LAMTOR5: variants seen among roughly 807,000 people sequenced by gnomAD.
LAMTOR5 encodes late endosomal/lysosomal adaptor, MAPK and MTOR activator 5.
LAMTOR5 carries 8 observed loss-of-function variants against 12.1 expected under a neutral mutation model. That is an observed-to-expected ratio of 0.66 (90% confidence interval 0.39 to 1.19). The LOEUF (loss-of-function observed/expected upper bound fraction) is 1.19, where lower values mean the gene tolerates loss of function less well. LAMTOR5 is among the 50% of genes most tolerant of loss of function. LAMTOR5 has a pLI of 0.01. For synonymous variants in LAMTOR5, 37 were observed against 41.9 expected (o/e 0.88, Z 0.45); for missense variants, 110 against 112.8 (o/e 0.97, Z 0.11).
In LAMTOR5 at chr1:110,401,529, G is replaced by A. The variant is rs1161889995; in HGVS notation, c.270C>T (p.Ala90=). ...DGITVAVHKM[A]S ...TGAAGAACAGATATGAGCATCAAGA[G>A]GCCATTTTGTGCACTGCCACCGTGA... Residue 90 remains alanine, a synonymous_variant, in exon 4 of 4, where the codon GCC becomes GCT. Transcript: ENST00000602318. 6.2e-7 allele frequency: 1 copy of A among 1,606,478 alleles called. No homozygotes were observed. Among genetic ancestry groups the A allele is most frequent in the Non-Finnish European group, 8.5e-7 (1 of 1,173,822 alleles).
rs1663225648 is a variant in LAMTOR5 at position 110,401,386 on chromosome 1, C to T, written c.*137G>A. The T allele has an allele frequency of 1.2e-6, 1 of 803,560 alleles. No homozygotes were observed. The highest frequency in any genetic ancestry group is 1.9e-6 in the Non-Finnish European group (1 of 523,446). The allele number at this position is 803,560 out of a possible 1,614,324, so 49.8% of individuals were successfully genotyped here. A position where few individuals can be genotyped will look rare whatever the true frequency, so the allele number is the denominator to read the frequency against. On this transcript the variant is annotated 3_prime_UTR_variant, in exon 4 of 4. Transcript: ENST00000602318. ...CCATAGAGCATTAGAAAGCAATTGA[C>T]TCTTAAATAAACAGAAAAGTGCCTA...
Position 110,401,575 on chromosome 1 carries a change from ATAATGTTC to A in LAMTOR5, c.216_223del (p.Asn73AspfsTer36). On this transcript the variant is annotated frameshift_variant and splice_region_variant, in exon 4 of 4. Coordinates refer to ENST00000602318, the MANE Select transcript of LAMTOR5 (RefSeq NM_001382293.1). LOFTEE classifies it high-confidence loss of function. ...CGTGATGCCATCGTGTTTCTGGATCATAATGTTCCTGAAATGCAGGAAGAAAATATTCA... is the reference window on the plus strand; with the variant it reads ...CGTGATGCCATCGTGTTTCTGGATCACTGAAATGCAGGAAGAAAATATTCA... 1 of 1,604,672 alleles carries A rather than the reference ATAATGTTC, an allele frequency of 6.2e-7. No individual in the cohort carries two copies. Among genetic ancestry groups the A allele is most frequent in the Non-Finnish European group, 8.5e-7 (1 of 1,172,096 alleles).
rs1663363393 is a variant in LAMTOR5, at chr1:110,407,648, A to G, written c.-28T>C. ...CACCCACCGACCACTCCGGCTCAGA[A>G]CCCAGCGGCACGGCACGTCCTTCTC... On this transcript the variant is annotated 5_prime_UTR_variant, in exon 1 of 4. Coordinates refer to ENST00000602318, the MANE Select transcript of LAMTOR5 (RefSeq NM_001382293.1). 1.9e-6 allele frequency: 3 copies of G among 1,613,956 alleles called. No individual in the cohort carries two copies. The highest frequency in any genetic ancestry group is 2.7e-5 in the African/African-American group (2 of 74,894).
chr1:110,405,766 C>A (rs1032301719), intron 2 of LAMTOR5, among the ~76,000 whole-genome samples: 2 of 152,074 alleles, frequency 1.3e-5, no homozygotes, highest in Non-Finnish European at 2.9e-5. Flanking sequence ...AAATAACAAC[C>A]CAGTGAAGAA....
rs773183660 is a variant in LAMTOR5 at position 110,401,494 on chromosome 1, G to C, written c.*29C>G. The C allele has an allele frequency of 9.4e-6, 15 of 1,593,872 alleles. No homozygotes were observed. Among genetic ancestry groups the C allele is most frequent in the Non-Finnish European group, 1.1e-5 (13 of 1,163,912 alleles). ...AACATAGGTAGGATCCAGTTCCTAT[G>C]ACAGGCTGCTGAAGAACAGATATGA... On this transcript the variant is annotated 3_prime_UTR_variant, in exon 4 of 4. Transcript: ENST00000602318.
chr1:110,405,245 C>T (rs1348991496), intron 2 of LAMTOR5, among the ~76,000 whole-genome samples: 2 of 151,962 alleles, frequency 1.3e-5, no homozygotes, highest in Non-Finnish European at 2.9e-5. Flanking sequence ...ACTGCAACCT[C>T]TGCCTCCCAG....
intron 2 of LAMTOR5, among the ~76,000 whole-genome samples, chr1:110,404,709 G>A (rs900840407): frequency 4.6e-5 from 7 of 152,078 alleles, no homozygotes; most frequent in Non-Finnish European, 1.5e-5. Flanking sequence ...TAAGTATTAT[G>A]TCTCAGTTCT....
intron 1 of LAMTOR5, 132 bp from the exon 2 acceptor site, chr1:110,406,511 T>G: frequency 1.7e-6 from 1 of 583,952 alleles, no homozygotes; most frequent in Non-Finnish European, 2.9e-6. Flanking sequence ...CTTTTTTCAT[T>G]GTCACACCCT....
At chr1:110,405,410 C>T (rs1282327299) in intron 2 of LAMTOR5, among the ~76,000 whole-genome samples, 1 of 151,462 alleles carries the variant, frequency 6.6e-6, no homozygotes, top group Non-Finnish European at 1.5e-5. Context: ...GGTGATCCAC[C>T]CGCCTCCGCC....
intron 2 of LAMTOR5, among the ~76,000 whole-genome samples, chr1:110,405,450 C>A: frequency 6.6e-6 from 1 of 152,020 alleles, no homozygotes; most frequent in Non-Finnish European, 1.5e-5. Flanking sequence ...CAGGTGTGAG[C>A]CACCGCATCC....
intron 3 of LAMTOR5, among the ~76,000 whole-genome samples, chr1:110,403,019 T>C (rs1462578155): frequency 6.6e-6 from 1 of 152,206 alleles, no homozygotes; most frequent in Non-Finnish European, 1.5e-5. Context: ...GATACATAAA[T>C]ACCACTGTTA....
In LAMTOR5 at chr1:110,407,389, C is replaced by T. The variant is rs1229274063; in HGVS notation, c.35+197G>A. On this transcript the variant is annotated intron_variant, in intron 1 of 3. Coordinates refer to ENST00000602318, the MANE Select transcript of LAMTOR5 (RefSeq NM_001382293.1). Reference sequence around the variant, plus strand: ...CTCGCTCAAGAGGGAATGTGCGGTGCCCGGCAGGATTTTAATTCCGGGTCA... The same window carrying T: ...CTCGCTCAAGAGGGAATGTGCGGTGTCCGGCAGGATTTTAATTCCGGGTCA... The T allele has an allele frequency of 2.0e-5, 14 of 689,004 alleles. No homozygotes were observed. The East Asian group carries it at 3.3e-4, about 16-fold the overall frequency. 42.7% of individuals were successfully genotyped at this position (689,004 alleles called of 1,614,324 possible).
rs1266060473 is a variant in LAMTOR5 at position 110,407,373 on chromosome 1, G to A, written c.35+213C>T. On this transcript the variant is annotated intron_variant, in intron 1 of 3. Transcript: ENST00000602318. ...GCCTGGGCCCGGGAGACTCGCTCAA[G>A]AGGGAATGTGCGGTGCCCGGCAGGA... The A allele has an allele frequency of 4.2e-5, 27 of 645,414 alleles. No individual in the cohort carries two copies. The Admixed American group carries it at 5.9e-4, about 14-fold the overall frequency. The allele number at this position is 645,414 out of a possible 1,614,324, so 40.0% of individuals were successfully genotyped here. A position where few individuals can be genotyped will look rare whatever the true frequency, so the allele number is the denominator to read the frequency against.
At chr1:110,406,693 G>A in intron 1 of LAMTOR5, 1 of 286,494 alleles carries the variant, frequency 3.5e-6, no homozygotes, top group African/African-American at 2.2e-5. Context: ...GCGTGGTGGC[G>A]CATGACTGTA....
At position 110,403,960 on chromosome 1, in the gene LAMTOR5, G is replaced by A. The variant is rs1374719136; in HGVS notation, c.174C>T (p.Asp58=). 6.2e-7 allele frequency: 1 copy of A among 1,614,226 alleles called. No homozygotes were observed. The highest frequency in any genetic ancestry group is 2.2e-5 in the East Asian group (1 of 44,894). ...LAQQAAKLTS[D]PTDIPVVCLE... ...GACACACCACAGGAATATCAGTGGG[G>A]TCAGAGGTTAGCTTAGCTGCTTGCT... Residue 58 remains aspartate (D), a synonymous_variant, in exon 3 of 4, where the codon GAC becomes GAT. Coordinates refer to ENST00000602318, the MANE Select transcript of LAMTOR5 (RefSeq NM_001382293.1).
chr1:110,404,699 T>G (rs548486845), intron 2 of LAMTOR5, among the ~76,000 whole-genome samples: 1 of 152,340 alleles, frequency 6.6e-6, no homozygotes, highest in East Asian at 1.9e-4. Context: ...TACCATTTAT[T>G]AAGTATTATG....
upstream of LAMTOR5, chr1:110,407,823 C>T: frequency 6.2e-7 from 1 of 1,614,008 alleles, no homozygotes; most frequent in Admixed American, 1.7e-5. Flanking sequence ...AAGGCTTGGG[C>T]TCCCCGCGCG....
intron 1 of LAMTOR5, chr1:110,407,065 C>CG: frequency 1.4e-6 from 1 of 697,974 alleles, no homozygotes; most frequent in East Asian, 2.7e-5. Flanking sequence ...TGAGGGACAT[C>CG]GGTGGGAGGC....
chr1:110,403,357 C>G (rs1318869951), intron 3 of LAMTOR5, among the ~76,000 whole-genome samples: 2 of 151,910 alleles, frequency 1.3e-5, no homozygotes, highest in Non-Finnish European at 2.9e-5. Flanking sequence ...TCCTGTAATC[C>G]CAGCACTTTG....
Sources: allele counts gnomAD v4.1 joint callset (sites outside exome capture counted in the v4.1 genomes callset), GRCh38; gene constraint gnomAD v4.1.1; transcripts MANE v1.5; gene names NCBI Gene and HGNC (gene_info 2026-07-23, HGNC 2026-07-21).